The following LMBR1 variants were observed in gnomAD, a reference collection of about 807,000 sequenced individuals.
LMBR1 encodes the protein limb development membrane protein 1.
Under a neutral mutation model 73.9 loss-of-function variants are expected in LMBR1, and 52 were observed. That is an observed-to-expected ratio of 0.70 (90% CI 0.56 to 0.89). The LOEUF (loss-of-function observed/expected upper bound fraction) is 0.89, where lower values mean the gene tolerates loss of function less well. Among genes scored for constraint, LMBR1 ranks in the 40% least tolerant of loss-of-function variants. The pLI, the probability that LMBR1 is intolerant of heterozygous loss-of-function variation, is 0.00. For synonymous variants in LMBR1, 215 were observed against 209.4 expected, an observed-to-expected ratio of 1.03 and a Z score of -0.23; for missense variants, 539 against 579.8, an observed-to-expected ratio of 0.93 and a Z score of 0.72.
chr7:156,719,293 C>T (rs2132300934), intron 15 of LMBR1, among the ~76,000 whole-genome samples: 1 of 152,070 alleles, frequency 6.6e-6, no homozygotes, highest in Admixed American at 6.5e-5. Flanking sequence ...CATCCATGTC[C>T]CTACAAAGGA....
intron 9 of LMBR1, among the ~76,000 whole-genome samples, chr7:156,737,701 A>T (rs1340752030): frequency 6.9e-6 from 1 of 144,320 alleles, no homozygotes; most frequent in Non-Finnish European, 1.6e-5. Flanking sequence ...TTTTCTGCTC[A>T]CTGAATATCC....
chr7:156,771,573 T>A (rs1825191207), intron 5 of LMBR1, among the ~76,000 whole-genome samples: 1 of 152,184 alleles, frequency 6.6e-6, no homozygotes, highest in African/African-American at 2.4e-5. Context: ...TAATGAGTTC[T>A]GAAACCGAGT....
chr7:156,892,986 C>A lies in LMBR1; in HGVS notation c.8G>T (p.Gly3Val), dbSNP rs752211706. The A allele has an allele frequency of 3.1e-5, 48 of 1,535,118 alleles. No individual in the cohort carries two copies. In the Middle Eastern group the frequency reaches 8.5e-4, roughly 27 times the overall value. The change falls in exon 1 of 17, where the codon GGG becomes GTG. Residue 3 changes from glycine to valine, a missense_variant. Transcript: ENST00000353442. ...CTCCCGCGCCGACACCTCGTCCTGC[C>A]CTTCCATCCTCCTTCATGCCCGCCG... ME[G>V]QDEVSAREQH...
At chr7:156,875,233 C>A (rs1031060490) in intron 1 of LMBR1, among the ~76,000 whole-genome samples, 4 of 151,926 alleles carry the variant, frequency 2.6e-5, no homozygotes. Flanking sequence ...TTTGAATTAA[C>A]CCAAGCCAAC....
In LMBR1 at chr7:156,679,516, G is replaced by A. The variant is rs552661921; in HGVS notation, c.*4562C>T. ...AGAATCAATATAAATAGCTACAGCA[G>A]TATCAAATATGCTTGGTTCTGAAGT... On this transcript the variant is annotated 3_prime_UTR_variant, in exon 17 of 17. Coordinates refer to ENST00000353442, the MANE Select transcript of LMBR1 (RefSeq NM_022458.4). The A allele has an allele frequency of 1.7e-5, 2 of 116,904 alleles. No homozygotes were observed. Among genetic ancestry groups the A allele is most frequent in the African/African-American group, 3.3e-5 (1 of 30,102 alleles). The allele number at this position is 116,904 out of a possible 1,614,324, so 7.2% of individuals were successfully genotyped here.
chr7:156,752,374 A>G (rs748098902), intron 9 of LMBR1, among the ~76,000 whole-genome samples: 3 of 152,178 alleles, frequency 2.0e-5, no homozygotes, highest in Non-Finnish European at 1.5e-5. Flanking sequence ...AAATTATAGC[A>G]TATCTTTATG....
chr7:156,872,245 T>C (rs1192125079), intron 1 of LMBR1: 2 of 151,958 alleles, frequency 1.3e-5, no homozygotes, highest in Non-Finnish European at 1.5e-5. Flanking sequence ...AAAAAACTAA[T>C]AAATTCAATA....
intron 1 of LMBR1, among the ~76,000 whole-genome samples, chr7:156,863,054 G>A (rs897995887): frequency 6.6e-6 from 1 of 152,068 alleles, no homozygotes; most frequent in Non-Finnish European, 1.5e-5. Flanking sequence ...TTTCTGCTAA[G>A]AACCCTAATT....
intron 1 of LMBR1, among the ~76,000 whole-genome samples, chr7:156,890,585 T>A (rs1225827640): frequency 2.6e-5 from 4 of 152,134 alleles, no homozygotes; most frequent in African/African-American, 9.7e-5. Flanking sequence ...AACAAACAGG[T>A]GCTCAAATTC....
chr7:156,758,633 C>T (rs1485709427), intron 8 of LMBR1, among the ~76,000 whole-genome samples: 1 of 152,172 alleles, frequency 6.6e-6, no homozygotes, highest in African/African-American at 2.4e-5. Context: ...CGCCTGCTCC[C>T]TCTCTTGCCC....
chr7:156,840,492 GAAGT>G (rs1275278793), intron 1 of LMBR1, among the ~76,000 whole-genome samples: 1 of 152,044 alleles, frequency 6.6e-6, no homozygotes, highest in African/African-American at 2.4e-5. Context: ...TGAGTGGGCA[GAAGT>G]AAGAGACAAG....
chr7:156,876,178 C>T (rs1800139592), intron 1 of LMBR1, among the ~76,000 whole-genome samples: 1 of 152,080 alleles, frequency 6.6e-6, no homozygotes, highest in Non-Finnish European at 1.5e-5. Context: ...ATTCTTATAT[C>T]AGACAAAACA....
At chr7:156,763,550 A>T in intron 6 of LMBR1, 119 bp downstream of exon 6, 1 of 771,910 alleles carries the variant, frequency 1.3e-6, no homozygotes, top group Non-Finnish European at 1.9e-6. Flanking sequence ...TCTGTAAATT[A>T]ACATCAAACA....
chr7:156,681,204 A>G lies in LMBR1; in HGVS notation c.*2874T>C. On this transcript the variant is annotated 3_prime_UTR_variant, in exon 17 of 17. Transcript: ENST00000353442. ...TGTGTCCCTGGCAGACGAGGTCATC[A>G]CTGAGGCTGCAGGGAGGGCCATGGG... 2.2e-6 allele frequency: 1 copy of G among 453,502 alleles called. No individual in the cohort carries two copies. The highest frequency in any genetic ancestry group is 4.4e-6 in the Non-Finnish European group (1 of 226,072). The allele number at this position is 453,502 out of a possible 1,614,324, so 28.1% of individuals were successfully genotyped here.
intron 1 of LMBR1, among the ~76,000 whole-genome samples, chr7:156,877,639 G>A (rs935550347): frequency 3.3e-5 from 5 of 151,910 alleles, no homozygotes; most frequent in African/African-American, 7.3e-5. Context: ...ATCCCAGCAC[G>A]TTGGGAGGCC....
At chr7:156,850,718 T>C (rs1024719529) in intron 1 of LMBR1, among the ~76,000 whole-genome samples, 8 of 151,988 alleles carry the variant, frequency 5.3e-5, no homozygotes, top group African/African-American at 1.5e-4. Flanking sequence ...TCAAATACAA[T>C]TGTATACCCA....
intron 9 of LMBR1, among the ~76,000 whole-genome samples, chr7:156,751,138 T>G (rs1378860489): frequency 2.0e-5 from 3 of 151,968 alleles, no homozygotes; most frequent in Admixed American, 2.0e-4. Context: ...AATAAATCCC[T>G]GGAGTTCATG....
chr7:156,762,186 A>G lies in LMBR1; in HGVS notation c.632T>C (p.Val211Ala). The G allele has an allele frequency of 3.1e-6, 5 of 1,609,852 alleles. No individual in the cohort carries two copies. The highest frequency in any genetic ancestry group is 4.3e-6 in the Non-Finnish European group (5 of 1,176,338). ...CACTGTGAACATACGAGAAAGGCCA[A>G]CTGGTGTACACACTGCAGAAATAAG... ...GCLLLLLCTP[V>A]GLSRMFTVMG... Residue 211 changes from valine (V) to alanine (A), a missense_variant, in exon 8 of 17, where the codon GTT becomes GCT. Val to Ala is a moderately conservative substitution (Grantham distance 64). Around this residue, in one of 3 missense-constraint regions of LMBR1, gnomAD observed 454 missense variants for 473.4 expected, o/e 0.96. Coordinates refer to ENST00000353442, the MANE Select transcript of LMBR1 (RefSeq NM_022458.4).
At position 156,670,244 on chromosome 7, in the gene LMBR1, G is replaced by GCTA. The variant is rs1802176842; in HGVS notation, n.867-960_867-958dup. 1.3e-5 allele frequency among the ~76,000 whole-genome samples: 2 copies of GCTA among 152,190 alleles called. No individual in the cohort carries two copies. The highest frequency in any genetic ancestry group is 4.8e-5 in the African/African-American group (2 of 41,452). ...TTCCTTCTTTGCAGAGGAGCTGGAT[G>GCTA]CTAAGCACGGCTGGCTCTACTGTTT... On this transcript the variant is annotated intron_variant and non_coding_transcript_variant, in intron 4 of 4. Coordinates refer to the LMBR1 transcript ENST00000430825. This position sits in a 1 kb window ranked among gnomAD's most constrained non-coding sequence, Gnocchi z 4.3.
Sources: allele counts gnomAD v4.1 joint callset (sites outside exome capture counted in the v4.1 genomes callset), GRCh38; gene constraint gnomAD v4.1.1; regional missense constraint gnomAD v4.1.1; non-coding constraint Gnocchi (gnomAD v3.1); transcripts MANE v1.5; gene names NCBI Gene and HGNC (gene_info 2026-07-23, HGNC 2026-07-21).